EDIL3: variants seen among roughly 807,000 people sequenced by gnomAD.
The protein encoded by EDIL3 is EGF-like repeat and discoidin I-like domain-containing protein 3.
Under a neutral mutation model 67.4 loss-of-function variants are expected in EDIL3, and 37 were observed. That is an observed-to-expected ratio of 0.55 (90% CI 0.42 to 0.72). EDIL3 has a LOEUF of 0.72. Ranked by LOEUF, EDIL3 falls within the 30% of genes least tolerant of loss-of-function variation. The probability of loss-of-function intolerance (pLI) is 0.00; values close to 1 mark genes in which losing one functional copy is unlikely to be tolerated. For synonymous variants in EDIL3, 195 were observed against 196.3 expected, an observed-to-expected ratio of 0.99 and a Z score of 0.05; for missense variants, 527 against 586.3, an observed-to-expected ratio of 0.90 and a Z score of 1.04.
chr5:83,958,411 C>T (rs1034237392), intron 10 of EDIL3, among the ~76,000 whole-genome samples: 2 of 151,402 alleles, frequency 1.3e-5, no homozygotes, highest in Non-Finnish European at 3.0e-5. Context: ...GATGAATATA[C>T]GTGTGATTCC....
At chr5:84,248,999 T>TA (rs1426897663) in intron 2 of EDIL3, among the ~76,000 whole-genome samples, 1 of 152,170 alleles carries the variant, frequency 6.6e-6, no homozygotes, top group East Asian at 1.9e-4. Context: ...TTTTTCTTAG[T>TA]AAAAAGTTGA....
intron 1 of EDIL3, among the ~76,000 whole-genome samples, chr5:84,319,531 G>GAAA (rs1746588896): frequency 2.0e-5 from 2 of 99,812 alleles, no homozygotes; most frequent in African/African-American, 3.7e-5. Flanking sequence ...AAAGAAATAG[G>GAAA]AATGCTTTTA....
At chr5:84,336,571 A>G (rs1348049287) in intron 1 of EDIL3, among the ~76,000 whole-genome samples, 5 of 152,106 alleles carry the variant, frequency 3.3e-5, no homozygotes, top group Admixed American at 3.3e-4. Flanking sequence ...ACAGTAAAAT[A>G]TTAGAGATTG....
intron 3 of EDIL3, among the ~76,000 whole-genome samples, chr5:84,214,753 T>C (rs1364635111): frequency 2.0e-5 from 3 of 152,080 alleles, no homozygotes; most frequent in African/African-American, 7.2e-5. Context: ...AGTCTTGCTA[T>C]GTCACCCAGG....
chr5:84,295,087 AG>A (rs559770532), intron 1 of EDIL3, among the ~76,000 whole-genome samples: 124 of 152,312 alleles, frequency 8.1e-4, no homozygotes, highest in Non-Finnish European at 1.5e-3. Context: ...TAGCCAGAAA[AG>A]AAAAAGGCAG....
intron 1 of EDIL3, among the ~76,000 whole-genome samples, chr5:84,354,927 A>G (rs976139356): frequency 6.6e-6 from 1 of 151,796 alleles, no homozygotes; most frequent in African/African-American, 2.4e-5. Flanking sequence ...TTTTTCCTTC[A>G]TTTCACCCTT....
chr5:84,004,268 C>T (rs1013703029), intron 9 of EDIL3, among the ~76,000 whole-genome samples: 3 of 151,982 alleles, frequency 2.0e-5, no homozygotes, highest in Non-Finnish European at 2.9e-5. Context: ...AGATTATTGA[C>T]ATAGAATACT....
At chr5:84,332,196 CCT>C (rs1270192188) in intron 1 of EDIL3, among the ~76,000 whole-genome samples, 1 of 151,976 alleles carries the variant, frequency 6.6e-6, no homozygotes, top group African/African-American at 2.4e-5. Context: ...TAATTAGACC[CCT>C]CTTTACAAAA....
At chr5:84,298,790 C>A (rs765157245) in intron 1 of EDIL3, among the ~76,000 whole-genome samples, 6 of 152,274 alleles carry the variant, frequency 3.9e-5, no homozygotes, top group Non-Finnish European at 7.4e-5. Flanking sequence ...ACAAAATTGA[C>A]TTCTCCATTC....
chr5:84,070,223 A>G (rs1746712927), intron 6 of EDIL3, among the ~76,000 whole-genome samples: 1 of 152,224 alleles, frequency 6.6e-6, no homozygotes, highest in Non-Finnish European at 1.5e-5. Flanking sequence ...CACCAAGGCA[A>G]GAACCCCGGG....
At chr5:84,221,918 C>T (rs1744349930) in intron 3 of EDIL3, among the ~76,000 whole-genome samples, 1 of 151,618 alleles carries the variant, frequency 6.6e-6, no homozygotes. Flanking sequence ...ATTTCAGACC[C>T]CAAGGAAATA....
intron 5 of EDIL3, among the ~76,000 whole-genome samples, chr5:84,135,376 G>C (rs945413273): frequency 2.0e-5 from 3 of 152,130 alleles, no homozygotes; most frequent in African/African-American, 7.2e-5. Context: ...AATCTATGCC[G>C]AAGTTCCTTC....
intron 9 of EDIL3, among the ~76,000 whole-genome samples, chr5:84,016,950 A>G (rs1745617629): frequency 6.6e-6 from 1 of 152,180 alleles, no homozygotes; most frequent in Admixed American, 6.5e-5. Context: ...GCCTGAGACT[A>G]GACACTTAAA....
intron 1 of EDIL3, among the ~76,000 whole-genome samples, chr5:84,353,288 T>C (rs772709088): frequency 2.0e-5 from 3 of 152,270 alleles, no homozygotes; most frequent in Middle Eastern, 3.4e-3. Flanking sequence ...CACTTTTGTG[T>C]CAGCATGAGT....
chr5:84,147,398 A>AT (rs903485075), intron 4 of EDIL3, among the ~76,000 whole-genome samples: 9 of 151,682 alleles, frequency 5.9e-5, no homozygotes, highest in Admixed American at 2.6e-4. Flanking sequence ...AGTATGTTGA[A>AT]TTTTTTTTTC....
At chr5:84,344,217 G>A (rs1460667716) in intron 1 of EDIL3, among the ~76,000 whole-genome samples, 1 of 151,994 alleles carries the variant, frequency 6.6e-6, no homozygotes, top group East Asian at 1.9e-4. Context: ...GAAGAATTAT[G>A]TTTATATAAT....
At chr5:84,060,251 T>C in intron 9 of EDIL3, 49 bp downstream of exon 9, 1 of 1,592,136 alleles carries the variant, frequency 6.3e-7, no homozygotes, top group Non-Finnish European at 8.6e-7. Flanking sequence ...CAGGAAATCT[T>C]CTAAGAAAGA....
At chr5:84,249,393 ATCT>A (rs1473205492) in intron 2 of EDIL3, among the ~76,000 whole-genome samples, 22 of 146,186 alleles carry the variant, frequency 1.5e-4, no homozygotes, top group African/African-American at 5.8e-4. Flanking sequence ...CTATCTATCT[ATCT>A]ATCTATCTAT....
intron 1 of EDIL3, among the ~76,000 whole-genome samples, chr5:84,374,029 G>C (rs1747913049): frequency 6.6e-6 from 1 of 152,132 alleles, no homozygotes; most frequent in Non-Finnish European, 1.5e-5. Flanking sequence ...ACAAGGTTCT[G>C]AAGCCACTGA....
Sources: allele counts gnomAD v4.1 joint callset (sites outside exome capture counted in the v4.1 genomes callset), GRCh38; gene constraint gnomAD v4.1.1; transcripts MANE v1.5; gene names NCBI Gene and HGNC (gene_info 2026-07-23, HGNC 2026-07-21).